Variants in AMPH observed in about 807,000 individuals in gnomAD.
AMPH encodes amphiphysin, also known as amphiphysin (Stiff-Mann syndrome with breast cancer 128kD autoantigen).
In AMPH, 49 loss-of-function variants were observed where a neutral mutation model predicts 99.1. The observed-to-expected ratio is 0.49, with a 90% CI of 0.39 to 0.63. AMPH has a LOEUF of 0.63. Among genes scored for constraint, AMPH ranks in the 20% least tolerant of loss-of-function variants. The probability of loss-of-function intolerance (pLI) is 0.00; values close to 1 mark genes in which losing one functional copy is unlikely to be tolerated. For synonymous variants in AMPH, 314 were observed against 317.3 expected, an observed-to-expected ratio of 0.99 and a Z score of 0.11; for missense variants, 759 against 863.4, an observed-to-expected ratio of 0.88 and a Z score of 1.52.
chr7:38,535,131 C>G lies in AMPH; in HGVS notation c.70-120G>C. ...CTGAGGAGTAGAGCAAAACTATCAG[C>G]ACTTCTAATTTTTCTGTTCTGGAAG... On this transcript the variant is annotated intron_variant, in intron 1 of 20. Transcript: ENST00000356264. 5.1e-6 allele frequency: 4 copies of G among 785,654 alleles called. No individual in the cohort carries two copies. The South Asian group carries it at 6.8e-5, about 13-fold the overall frequency. The allele number at this position is 785,654 out of a possible 1,614,324, so 48.7% of individuals were successfully genotyped here. A position where few individuals can be genotyped will look rare whatever the true frequency, so the allele number is the denominator to read the frequency against.
At position 38,605,571 on chromosome 7, in the gene AMPH, C is replaced by CTTTTTTTTTCTT. The variant is rs552634478; in HGVS notation, c.69+25711_69+25712insAAGAAAAAAAAA. On this transcript the variant is annotated intron_variant, in intron 1 of 20. Transcript: ENST00000356264. ...TATAATGGTTTTCTTTTCGTTTTTT[C>CTTTTTTTTTCTT]TTTTTCTTTTTTTCTTTTTCTTGAA... 8.3e-3 allele frequency among the ~76,000 whole-genome samples: 1,150 copies of CTTTTTTTTTCTT among 138,028 alleles called. 11 individuals carry two copies. The highest frequency in any genetic ancestry group is 0.031 in the African/African-American group (1,077 of 34,894). 90.6% of individuals were successfully genotyped at this position (138,028 alleles called of 152,430 possible).
chr7:38,436,874 C>T (rs4720279), intron 11 of AMPH, among the ~76,000 whole-genome samples: 78,130 of 152,078 alleles, frequency 0.51, 20,334 homozygotes, highest in Admixed American at 0.57. Flanking sequence ...CACATCCCAA[C>T]GGCCTCATTC....
At chr7:38,567,443 G>A (rs1042617159) in intron 1 of AMPH, among the ~76,000 whole-genome samples, 3 of 152,076 alleles carry the variant, frequency 2.0e-5, no homozygotes, top group Admixed American at 1.3e-4. Context: ...TATAAATGAC[G>A]AGTTGATGGG....
At chr7:38,547,893 AC>A (rs1193751405) in intron 1 of AMPH, among the ~76,000 whole-genome samples, 6 of 152,152 alleles carry the variant, frequency 3.9e-5, no homozygotes, top group Admixed American at 3.9e-4. Context: ...ATAGTCACTT[AC>A]GCCTTCACTG....
intron 1 of AMPH, among the ~76,000 whole-genome samples, chr7:38,566,701 G>GA (rs529958178): frequency 9.9e-5 from 15 of 151,446 alleles, no homozygotes; most frequent in Middle Eastern, 3.4e-3. Flanking sequence ...AAATGTACAA[G>GA]AAAAAAAACA....
intron 11 of AMPH, among the ~76,000 whole-genome samples, chr7:38,457,898 G>A (rs1787293818): frequency 6.6e-6 from 1 of 151,980 alleles, no homozygotes; most frequent in South Asian, 2.1e-4. Flanking sequence ...TTTTGTGACT[G>A]TCATAATGTT....
At chr7:38,388,691 G>GT (rs139956349) in intron 20 of AMPH, among the ~76,000 whole-genome samples, 33,134 of 151,898 alleles carry the variant, frequency 0.22, 3,692 homozygotes, top group African/African-American at 0.22. Flanking sequence ...CCAGGCTGGA[G>GT]TGCAGTGGTG....
chr7:38,472,952 G>A (rs1370943929), intron 7 of AMPH, among the ~76,000 whole-genome samples: 2 of 152,124 alleles, frequency 1.3e-5, no homozygotes, highest in Non-Finnish European at 2.9e-5. Context: ...CTTAGGAAGG[G>A]CACAAAAGAC....
At chr7:38,567,392 T>C (rs973344005) in intron 1 of AMPH, among the ~76,000 whole-genome samples, 1 of 151,766 alleles carries the variant, frequency 6.6e-6, no homozygotes, top group Admixed American at 6.6e-5. Flanking sequence ...CTGTCAGGGG[T>C]TGGGGGCTGG....
intron 2 of AMPH, among the ~76,000 whole-genome samples, chr7:38,520,756 G>A (rs1006985712): frequency 3.9e-5 from 6 of 152,178 alleles, no homozygotes; most frequent in Admixed American, 6.5e-5. Context: ...TGGCAGATCC[G>A]GGAAGGAAGG....
At chr7:38,409,299 T>C (rs902712781) in intron 17 of AMPH, among the ~76,000 whole-genome samples, 5 of 152,212 alleles carry the variant, frequency 3.3e-5, no homozygotes, top group African/African-American at 1.2e-4. Context: ...GGCATTTTAA[T>C]GAAAATACAG....
chr7:38,585,382 A>G, intron 1 of AMPH, among the ~76,000 whole-genome samples: 1 of 152,136 alleles, frequency 6.6e-6, no homozygotes, highest in South Asian at 2.1e-4. Context: ...CTTGGCCACT[A>G]GCTCCCAGCT....
intron 2 of AMPH, among the ~76,000 whole-genome samples, chr7:38,516,544 T>G (rs983161483): frequency 1.3e-5 from 2 of 152,200 alleles, no homozygotes; most frequent in Non-Finnish European, 2.9e-5. Context: ...CCAGGCAGAA[T>G]TTTGCTATAG....
chr7:38,551,713 TAAGGA>T (rs2129046176), intron 1 of AMPH, among the ~76,000 whole-genome samples: 1 of 152,006 alleles, frequency 6.6e-6, no homozygotes, highest in African/African-American at 2.4e-5. Context: ...AAAGGGATGC[TAAGGA>T]AAGAGGAGAG....
intron 15 of AMPH, 66 bp from the exon 16 acceptor site, chr7:38,422,543 T>C: frequency 8.2e-7 from 1 of 1,224,804 alleles, no homozygotes; most frequent in Admixed American, 1.7e-5. Context: ...CCATCAATTG[T>C]GTCTGCCTAC....
intron 1 of AMPH, among the ~76,000 whole-genome samples, chr7:38,598,035 T>C (rs1260166896): frequency 6.6e-6 from 1 of 152,214 alleles, no homozygotes; most frequent in Non-Finnish European, 1.5e-5. Flanking sequence ...CTGGGGTCAT[T>C]TTTTCTTCAA....
intron 17 of AMPH, among the ~76,000 whole-genome samples, chr7:38,411,655 A>T (rs1223625533): frequency 1.3e-5 from 2 of 152,142 alleles, no homozygotes; most frequent in African/African-American, 4.8e-5. Context: ...GGAGTGAGCC[A>T]GTAAGTAGAA....
chr7:38,433,881 G>A (rs554570263), intron 12 of AMPH, among the ~76,000 whole-genome samples: 30 of 152,164 alleles, frequency 2.0e-4, no homozygotes, highest in Non-Finnish European at 3.7e-4. Flanking sequence ...ATGCGTTAGC[G>A]TGCACAGATA....
chr7:38,455,536 A>C (rs1355372731), intron 11 of AMPH, among the ~76,000 whole-genome samples: 3 of 152,208 alleles, frequency 2.0e-5, no homozygotes, highest in Non-Finnish European at 2.9e-5. Context: ...GAAGCACTGA[A>C]AGCAAGCAAG....
Sources: allele counts gnomAD v4.1 joint callset (sites outside exome capture counted in the v4.1 genomes callset), GRCh38; gene constraint gnomAD v4.1.1; transcripts MANE v1.5; gene names NCBI Gene and HGNC (gene_info 2026-07-23, HGNC 2026-07-21).